The following HHAT variants were observed in gnomAD, a reference collection of about 807,000 sequenced individuals.
HHAT encodes protein-cysteine N-palmitoyltransferase HHAT.
A neutral mutation model predicts 70.8 loss-of-function variants in HHAT; 47 were observed. The observed-to-expected ratio is 0.66, with a 90% CI of 0.53 to 0.85. HHAT has a LOEUF of 0.85. HHAT is among the 40% of genes least tolerant of loss of function. HHAT has a pLI of 0.00. For synonymous variants in HHAT, 228 were observed against 247.6 expected (o/e 0.92, Z 0.74); for missense variants, 609 against 604.8 (o/e 1.01, Z -0.07).
At chr1:210,346,214 T>C (rs907604213) in intron 1 of HHAT, among the ~76,000 whole-genome samples, 1 of 152,212 alleles carries the variant, frequency 6.6e-6, no homozygotes, top group African/African-American at 2.4e-5. Context: ...TCTAAAACTT[T>C]CATTCAGTCT....
intron 11 of HHAT, among the ~76,000 whole-genome samples, chr1:210,663,201 G>A (rs1357413593): frequency 2.0e-5 from 3 of 152,144 alleles, no homozygotes; most frequent in Non-Finnish European, 4.4e-5. Flanking sequence ...CCACCACAGC[G>A]ACAAGAAAGG....
At chr1:210,475,443 C>G (rs1276673428) in intron 8 of HHAT, among the ~76,000 whole-genome samples, 1 of 152,122 alleles carries the variant, frequency 6.6e-6, no homozygotes, top group East Asian at 1.9e-4. Context: ...ATGCATCTTG[C>G]AAGAGTGGTT....
chr1:210,333,935 G>A (rs1401266323), intron 1 of HHAT, among the ~76,000 whole-genome samples: 2 of 152,126 alleles, frequency 1.3e-5, no homozygotes, highest in Admixed American at 6.5e-5. Flanking sequence ...GGAATTACAG[G>A]TGTGAGCCAT....
intron 11 of HHAT, among the ~76,000 whole-genome samples, chr1:210,653,449 G>A (rs776001859): frequency 6.6e-6 from 1 of 151,288 alleles, no homozygotes; most frequent in Non-Finnish European, 1.5e-5. Context: ...AGAATTGCTT[G>A]AGCCTAAGAA....
At chr1:210,355,007 A>G (rs1330346891) in intron 2 of HHAT, among the ~76,000 whole-genome samples, 1 of 152,096 alleles carries the variant, frequency 6.6e-6, no homozygotes, top group East Asian at 1.9e-4. Flanking sequence ...CACTTCCCTT[A>G]ATGAAGGTTT....
intron 10 of HHAT, among the ~76,000 whole-genome samples, chr1:210,606,012 C>A (rs554270538): frequency 6.6e-6 from 1 of 152,052 alleles, no homozygotes; most frequent in South Asian, 2.1e-4. Flanking sequence ...TGTGCCACCA[C>A]ACCTGGCTAA....
chr1:210,518,859 C>T (rs765752907), intron 9 of HHAT, among the ~76,000 whole-genome samples: 4 of 152,044 alleles, frequency 2.6e-5, no homozygotes, highest in Non-Finnish European at 4.4e-5. Context: ...GGTGGTCTTC[C>T]GTATGTCCAG....
At chr1:210,436,939 G>A (rs972114033) in intron 7 of HHAT, among the ~76,000 whole-genome samples, 1 of 151,874 alleles carries the variant, frequency 6.6e-6, no homozygotes, top group Admixed American at 6.5e-5. Context: ...CCTGGTGGAA[G>A]CACTTCTTTG....
chr1:210,572,058 T>C (rs1656419082), intron 9 of HHAT, among the ~76,000 whole-genome samples: 2 of 152,220 alleles, frequency 1.3e-5, no homozygotes, highest in African/African-American at 4.8e-5. Flanking sequence ...TGGTCTTGCT[T>C]TGTTTCCGTA....
Position 210,336,287 on chromosome 1 carries a change from A to ATTTTTTTTTTTTTTT in HHAT, c.-44+7192_-44+7206dup, listed in dbSNP as rs541795412. On this transcript the variant is annotated intron_variant, in intron 1 of 11. Transcript: ENST00000261458. ...AGGCATGCACCACTGTGCCTGGCTAATTTTTTTTTTTTTTTTTTTTTTTAG... is the reference window on the plus strand; with the variant it reads ...AGGCATGCACCACTGTGCCTGGCTAATTTTTTTTTTTTTTTTTTTTTTTTTTTTTTTTTTTTTTAG... Among the ~76,000 whole-genome samples, 21 of 84,608 alleles carry ATTTTTTTTTTTTTTT rather than the reference A, an allele frequency of 2.5e-4. 4 individuals are homozygous for ATTTTTTTTTTTTTTT. Among genetic ancestry groups the ATTTTTTTTTTTTTTT allele is most frequent in the Admixed American group, 6.5e-4 (5 of 7,720 alleles). The allele number at this position is 84,608 out of a possible 152,430, so 55.5% of individuals were successfully genotyped here.
chr1:210,447,296 A>G (rs1429200166), intron 7 of HHAT, among the ~76,000 whole-genome samples: 1 of 152,200 alleles, frequency 6.6e-6, no homozygotes. Flanking sequence ...ACAAATGGAC[A>G]TTATCTCTAC....
intron 9 of HHAT, among the ~76,000 whole-genome samples, chr1:210,525,580 T>A (rs1353121358): frequency 6.6e-6 from 1 of 152,214 alleles, no homozygotes; most frequent in Non-Finnish European, 1.5e-5. Context: ...TAGAATTATT[T>A]GTCTTCCTAG....
intron 9 of HHAT, among the ~76,000 whole-genome samples, chr1:210,576,126 A>G (rs1657672015): frequency 2.0e-5 from 3 of 152,126 alleles, no homozygotes; most frequent in African/African-American, 7.2e-5. Context: ...CCTTAGCACT[A>G]AGTGACCTGG....
rs549176830 is a variant in HHAT at position 210,403,474 on chromosome 1, A to G, written c.469-990A>G. On this transcript the variant is annotated intron_variant, in intron 5 of 11. Coordinates refer to ENST00000261458, the MANE Select transcript of HHAT (RefSeq NM_018194.6). ...GATTTGAAAAACACTGAGGAAGGAG[A>G]TCATGTGATTAGAAACTAGCTGGGT... Among the ~76,000 whole-genome samples, 6 of 152,316 alleles carry G rather than the reference A, an allele frequency of 3.9e-5. No homozygotes were observed. The South Asian group carries it at 1.0e-3, about 26-fold the overall frequency.
intron 9 of HHAT, among the ~76,000 whole-genome samples, chr1:210,526,174 C>T (rs184544438): frequency 1.3e-5 from 2 of 152,184 alleles, no homozygotes; most frequent in Admixed American, 6.5e-5. Context: ...TGGAGTCCTA[C>T]GCGCAGCACT....
At chr1:210,462,988 G>C (rs116669776) in intron 7 of HHAT, 1 of 152,196 alleles carries the variant, frequency 6.6e-6, no homozygotes, top group Non-Finnish European at 1.5e-5. Context: ...ACAGTGGGGC[G>C]GGCAATCTTG....
At chr1:210,339,445 G>A (rs75086189) in intron 1 of HHAT, among the ~76,000 whole-genome samples, 5,281 of 151,634 alleles carry the variant, frequency 0.035, 121 homozygotes, top group Middle Eastern at 0.078. Context: ...CCTTGAATCC[G>A]GGCTGGTCTT....
chr1:210,394,447 C>T (rs891984883), intron 4 of HHAT, among the ~76,000 whole-genome samples: 5 of 152,046 alleles, frequency 3.3e-5, no homozygotes, highest in East Asian at 1.9e-4. Context: ...TTGGATGTCA[C>T]GGGTCAGACA....
chr1:210,330,377 A>G (rs377699669), intron 1 of HHAT, among the ~76,000 whole-genome samples: 13 of 152,334 alleles, frequency 8.5e-5, no homozygotes, highest in East Asian at 7.7e-4. Context: ...TGGGAAAGAT[A>G]AGTGTTGTTA....
Sources: gnomAD v4.1 joint callset for allele counts (sites outside exome capture counted in the v4.1 genomes callset) on GRCh38, gnomAD v4.1.1 for gene constraint, MANE v1.5 for transcripts, NCBI Gene and HGNC (gene_info 2026-07-23, HGNC 2026-07-21) for gene names.